CTXND2: variants seen among roughly 807,000 people sequenced by gnomAD.
CTXND2 encodes the protein cortexin domain containing 2.
At chr1:150,902,637 G>A (rs587598290) in intron 1 of CTXND2, among the ~76,000 whole-genome samples, 31 of 152,198 alleles carry the variant, frequency 2.0e-4, no homozygotes, top group Non-Finnish European at 2.9e-4. Context: ...GGAAAGAATG[G>A]TCGGGGAGGG....
At chr1:150,903,831 G>C (rs769861687) in intron 1 of CTXND2, 3 of 489,602 alleles carry the variant, frequency 6.1e-6, no homozygotes, top group Non-Finnish European at 7.8e-6. Context: ...TTTATGGAGA[G>C]AGTGGGATGT....
intron 1 of CTXND2, among the ~76,000 whole-genome samples, chr1:150,897,217 G>C (rs1448955364): frequency 6.6e-6 from 1 of 152,186 alleles, no homozygotes; most frequent in Non-Finnish European, 1.5e-5. Flanking sequence ...GTTTGGAGGG[G>C]AATAAGAGTG....
chr1:150,892,835 G>A (rs1382386403), intron 1 of CTXND2, among the ~76,000 whole-genome samples: 2 of 151,984 alleles, frequency 1.3e-5, no homozygotes, highest in Non-Finnish European at 2.9e-5. Flanking sequence ...CACCATGCCT[G>A]GCTTCTATCT....
intron 1 of CTXND2, among the ~76,000 whole-genome samples, chr1:150,902,229 G>A (rs981180590): frequency 1.3e-4 from 19 of 151,908 alleles, no homozygotes; most frequent in Admixed American, 7.9e-4. Flanking sequence ...GTGAAACCCC[G>A]TCTCTACTAA....
chr1:150,911,176 G>C (rs1474514921), intron 1 of CTXND2, among the ~76,000 whole-genome samples: 3 of 149,744 alleles, frequency 2.0e-5, no homozygotes, highest in African/African-American at 7.4e-5. Flanking sequence ...TTGAACTCCT[G>C]ACCTCAAGTG....
intron 1 of CTXND2, among the ~76,000 whole-genome samples, chr1:150,892,225 T>C (rs867425198): frequency 3.3e-5 from 5 of 152,174 alleles, no homozygotes; most frequent in African/African-American, 9.7e-5. Context: ...ATGTCATATT[T>C]TCTTCTAAAG....
chr1:150,904,942 C>T (rs2102601615), intron 1 of CTXND2, among the ~76,000 whole-genome samples: 1 of 152,086 alleles, frequency 6.6e-6, no homozygotes, highest in South Asian at 2.1e-4. Flanking sequence ...AACTGTAGAA[C>T]TGCTATGTAT....
In CTXND2 at chr1:150,909,386, AAAAC is replaced by A. The variant is rs1253762230; in HGVS notation, c.-73-2844_-73-2841del. Among the ~76,000 whole-genome samples, 6 of 151,896 alleles carry A rather than the reference AAAAC, an allele frequency of 4.0e-5. No homozygotes were observed. In the East Asian group the frequency reaches 9.6e-4, roughly 24 times the overall value. ...AACATGGTGAAACTCCATCTCTACC[AAAAC>A]AAACAAACAAAAAACAATTAGCCGG... On this transcript the variant is annotated intron_variant, in intron 1 of 1. Coordinates refer to ENST00000636087, the Ensembl canonical transcript of CTXND2.
chr1:150,892,614 C>T (rs587671203), intron 1 of CTXND2, among the ~76,000 whole-genome samples: 2 of 150,200 alleles, frequency 1.3e-5, no homozygotes, highest in South Asian at 4.2e-4. Flanking sequence ...ACTCGGCTCA[C>T]TGCAGCCTGA....
exon 2 of CTXND2, chr1:150,912,820 G>T: frequency 5.5e-6 from 1 of 182,550 alleles, no homozygotes; most frequent in Non-Finnish European, 1.1e-5. Context: ...CCTAGAGGTG[G>T]CAGACTTGAA....
intron 1 of CTXND2, among the ~76,000 whole-genome samples, chr1:150,890,341 A>T (rs2102593201): frequency 6.6e-6 from 1 of 152,298 alleles, no homozygotes; most frequent in South Asian, 2.1e-4. Context: ...CAAGGTAAAA[A>T]ATTACTGCCT....
intron 1 of CTXND2, among the ~76,000 whole-genome samples, chr1:150,901,798 G>A (rs1322070919): frequency 6.6e-6 from 1 of 151,784 alleles, no homozygotes; most frequent in Non-Finnish European, 1.5e-5. Context: ...GGCACCTGTA[G>A]TCCCAGCTAC....
At chr1:150,905,143 CTTTT>C (rs587675090) in intron 1 of CTXND2, among the ~76,000 whole-genome samples, 1 of 114,712 alleles carries the variant, frequency 8.7e-6, no homozygotes, top group Non-Finnish European at 1.9e-5. Context: ...TCTGCCAATT[CTTTT>C]TTTTTTTTTT....
At chr1:150,893,500 C>T (rs1289741154) in intron 1 of CTXND2, among the ~76,000 whole-genome samples, 1 of 152,090 alleles carries the variant, frequency 6.6e-6, no homozygotes, top group East Asian at 1.9e-4. Flanking sequence ...ACTCTGTCAC[C>T]CAGGCTGGAA....
At chr1:150,906,938 T>C (rs996551830) in intron 1 of CTXND2, among the ~76,000 whole-genome samples, 1 of 152,120 alleles carries the variant, frequency 6.6e-6, no homozygotes, top group Admixed American at 6.6e-5. Flanking sequence ...CTCAAAAAAC[T>C]ACAAACATCC....
chr1:150,901,166 TAAAATAG>T (rs1669020188), intron 1 of CTXND2, among the ~76,000 whole-genome samples: 1 of 151,748 alleles, frequency 6.6e-6, no homozygotes, highest in Non-Finnish European at 1.5e-5. Context: ...AACAAAAGAA[TAAAATAG>T]GAATACATTT....
At chr1:150,894,208 T>C (rs761922453) in intron 1 of CTXND2, among the ~76,000 whole-genome samples, 1 of 152,190 alleles carries the variant, frequency 6.6e-6, no homozygotes, top group Non-Finnish European at 1.5e-5. Flanking sequence ...CAGCTTGGTA[T>C]TTGTGTCAAT....
chr1:150,897,483 C>A (rs587626943), intron 1 of CTXND2, among the ~76,000 whole-genome samples: 1 of 152,068 alleles, frequency 6.6e-6, no homozygotes, highest in East Asian at 1.9e-4. Flanking sequence ...AGCCACCACA[C>A]CGGCTAACTT....
chr1:150,900,912 C>T (rs868532537), intron 1 of CTXND2, among the ~76,000 whole-genome samples: 3 of 152,144 alleles, frequency 2.0e-5, no homozygotes, highest in African/African-American at 2.4e-5. Context: ...TCCAGGAGTT[C>T]GAGACCAGCT....
Sources: gnomAD v4.1 joint callset for allele counts (sites outside exome capture counted in the v4.1 genomes callset) on GRCh38, gnomAD v4.1.1 for gene constraint, MANE v1.5 for transcripts, NCBI Gene and HGNC (gene_info 2026-07-23, HGNC 2026-07-21) for gene names.